SLC39A10: variants seen among roughly 807,000 people sequenced by gnomAD.
SLC39A10 encodes zinc transporter ZIP10.
In SLC39A10, 13 loss-of-function variants were observed where a neutral mutation model predicts 65.1. The ratio of observed to expected loss-of-function variants is 0.20; its 90% confidence interval spans 0.13 to 0.32. The LOEUF is 0.32. SLC39A10 is among the 10% of genes least tolerant of loss of function. The pLI is 1.00. For missense variants in SLC39A10, 831 were observed against 1,018.4 expected (o/e 0.82, Z 2.50); for synonymous variants, 321 against 342.2 (o/e 0.94, Z 0.68).
intron 2 of SLC39A10, among the ~76,000 whole-genome samples, chr2:195,628,138 T>C (rs569781798): frequency 2.6e-5 from 4 of 152,328 alleles, no homozygotes; most frequent in African/African-American, 9.6e-5. Context: ...GTAAGAAAAC[T>C]GTGAGAAAGA....
rs1263499424 is a variant in SLC39A10 at position 195,683,250 on chromosome 2, T to G, written c.1009-449T>G. ...CCTATCAACCGACATTGGGCTAGAA[T>G]TTTCCAAAACAATATGCTTTTAGAG... is the stretch of plus-strand genomic sequence containing the variant. On this transcript the variant is annotated intron_variant, in intron 2 of 9. Coordinates refer to ENST00000359634, the MANE Select transcript of SLC39A10 (RefSeq NM_020342.3). Among the ~76,000 whole-genome samples, 5 of 152,176 alleles carry G rather than the reference T, an allele frequency of 3.3e-5. No individual in the cohort carries two copies. In the East Asian group the frequency reaches 9.6e-4, roughly 29 times the overall value.
chr2:195,675,053 G>A (rs550109084), intron 1 of SLC39A10, among the ~76,000 whole-genome samples: 1 of 152,272 alleles, frequency 6.6e-6, no homozygotes, highest in African/African-American at 2.4e-5. Flanking sequence ...GTAAACCAGT[G>A]ATTGGCTTTA....
chr2:195,630,215 T>C (rs1433092106), intron 2 of SLC39A10, among the ~76,000 whole-genome samples: 1 of 151,190 alleles, frequency 6.6e-6, no homozygotes, highest in Non-Finnish European at 1.5e-5. Flanking sequence ...GGCTTTTGAC[T>C]GACTGCATTC....
At chr2:195,681,162 C>A in intron 2 of SLC39A10, 112 bp downstream of exon 2, 1 of 1,010,086 alleles carries the variant, frequency 9.9e-7, no homozygotes, top group Non-Finnish European at 1.4e-6. Context: ...AACTTATTTC[C>A]ATATGTTTAC....
intron 3 of SLC39A10, among the ~76,000 whole-genome samples, chr2:195,694,081 A>G (rs1690847639): frequency 6.6e-6 from 1 of 152,150 alleles, no homozygotes; most frequent in African/African-American, 2.4e-5. Context: ...GGAGCAGGTT[A>G]TTTAATTTCC....
chr2:195,727,937 A>T (rs1336749811), intron 8 of SLC39A10, among the ~76,000 whole-genome samples: 2 of 152,194 alleles, frequency 1.3e-5, no homozygotes, highest in East Asian at 3.8e-4. Flanking sequence ...CAGAATAGAT[A>T]TATAACCTTT....
chr2:195,671,912 T>C (rs1689874021), intron 1 of SLC39A10, among the ~76,000 whole-genome samples: 1 of 152,112 alleles, frequency 6.6e-6, no homozygotes, highest in South Asian at 2.1e-4. Flanking sequence ...GAATGTTATG[T>C]CTCTGAATGA....
chr2:195,656,894 G>A (rs1411613536), upstream of SLC39A10: 1 of 152,282 alleles, frequency 6.6e-6, no homozygotes, highest in Admixed American at 6.5e-5. Flanking sequence ...GCGTTAAGAA[G>A]CCGCCCCAAC....
chr2:195,647,916 T>G (rs770982910), intron 2 of SLC39A10, among the ~76,000 whole-genome samples: 1 of 152,226 alleles, frequency 6.6e-6, no homozygotes, highest in Non-Finnish European at 1.5e-5. Context: ...GACAGACTTA[T>G]AGAGGATGTA....
intron 8 of SLC39A10, among the ~76,000 whole-genome samples, chr2:195,726,020 T>C (rs1692225877): frequency 6.6e-6 from 1 of 152,206 alleles, no homozygotes; most frequent in African/African-American, 2.4e-5. Context: ...ATAGGGTGTA[T>C]GTGTTTGTCC....
chr2:195,667,984 C>G (rs948712219), intron 1 of SLC39A10, among the ~76,000 whole-genome samples: 3 of 152,084 alleles, frequency 2.0e-5, no homozygotes, highest in African/African-American at 7.2e-5. Context: ...AATTAACAGT[C>G]CCACTTTATA....
Position 195,702,980 on chromosome 2 carries a change from C to G in SLC39A10, c.1217-3636C>G, listed in dbSNP as rs557852341. On this transcript the variant is annotated intron_variant, in intron 3 of 9. Coordinates refer to ENST00000359634, the MANE Select transcript of SLC39A10 (RefSeq NM_020342.3). ...AGACCCTCTCCTAGACTAATAAATT[C>G]CATGATCAGATAAGTTGGGAAAATG... 5.3e-5 allele frequency among the ~76,000 whole-genome samples: 8 copies of G among 152,252 alleles called. No individual in the cohort carries two copies. In the South Asian group the frequency reaches 1.7e-3, roughly 32 times the overall value.
intron 2 of SLC39A10, among the ~76,000 whole-genome samples, chr2:195,619,389 G>T (rs988609432): frequency 5.9e-5 from 9 of 152,196 alleles, no homozygotes; most frequent in African/African-American, 2.2e-4. Flanking sequence ...GAATCCAGAA[G>T]AATCCAGACT....
At position 195,718,352 on chromosome 2, in the gene SLC39A10, T is replaced by C; in HGVS notation, c.2146+20T>C. 6.4e-7 allele frequency: 1 copy of C among 1,553,798 alleles called. No individual in the cohort carries two copies. Among genetic ancestry groups the C allele is most frequent in the East Asian group, 2.2e-5 (1 of 44,482 alleles). ...AATTAGGTAATATAACCTTAAAAATTTTACCAGATTTCATCAAATCTAAGA... is the reference window on the plus strand; with the variant it reads ...AATTAGGTAATATAACCTTAAAAATCTTACCAGATTTCATCAAATCTAAGA... On this transcript the variant is annotated intron_variant, in intron 8 of 9. Coordinates refer to ENST00000359634, the MANE Select transcript of SLC39A10 (RefSeq NM_020342.3).
intron 2 of SLC39A10, among the ~76,000 whole-genome samples, chr2:195,649,759 T>C (rs1335614860): frequency 2.0e-5 from 3 of 152,206 alleles, no homozygotes; most frequent in Non-Finnish European, 4.4e-5. Flanking sequence ...TTCTGAAAAG[T>C]CAATTTCTGC....
intron 9 of SLC39A10, among the ~76,000 whole-genome samples, chr2:195,734,335 TA>T (rs936441618): frequency 1.3e-5 from 2 of 152,012 alleles, no homozygotes; most frequent in Non-Finnish European, 2.9e-5. Flanking sequence ...CACGCCCAGC[TA>T]ATTTTTGTAT....
intron 3 of SLC39A10, among the ~76,000 whole-genome samples, chr2:195,697,781 A>C (rs1691023664): frequency 6.6e-6 from 1 of 152,238 alleles, no homozygotes; most frequent in Non-Finnish European, 1.5e-5. Context: ...AACACTTTTC[A>C]ATAAAAGACA....
intron 4 of SLC39A10, 104 bp downstream of exon 4, chr2:195,706,889 G>A: frequency 1.3e-6 from 1 of 751,780 alleles, no homozygotes; most frequent in Non-Finnish European, 1.8e-6. Context: ...TATTTGTATT[G>A]TTTTATTTGC....
At chr2:195,647,086 C>T (rs573597365) in intron 2 of SLC39A10, among the ~76,000 whole-genome samples, 1 of 152,118 alleles carries the variant, frequency 6.6e-6, no homozygotes, top group Non-Finnish European at 1.5e-5. Context: ...TAAATCGGGC[C>T]CATTTGGATA....
Sources: allele counts gnomAD v4.1 joint callset (sites outside exome capture counted in the v4.1 genomes callset), GRCh38; gene constraint gnomAD v4.1.1; transcripts MANE v1.5; gene names NCBI Gene and HGNC (gene_info 2026-07-23, HGNC 2026-07-21).